Variants in APP observed in about 807,000 individuals in gnomAD.
APP encodes amyloid beta precursor protein.
In APP, 31 loss-of-function variants were observed where a neutral mutation model predicts 101.4. The observed-to-expected ratio is 0.31, with a 90% CI of 0.23 to 0.41. The LOEUF (loss-of-function observed/expected upper bound fraction) is 0.41, where lower values mean the gene tolerates loss of function less well. Among genes scored for constraint, APP ranks in the 10% least tolerant of loss-of-function variants. The pLI is 1.00. For missense variants in APP, 839 were observed against 1,003.7 expected (o/e 0.84, Z 2.22); for synonymous variants, 366 against 364.4 (o/e 1.00, Z -0.05).
intron 5 of APP, among the ~76,000 whole-genome samples, chr21:26,028,898 A>G (rs1445318739): frequency 6.6e-6 from 1 of 152,174 alleles, no homozygotes. Context: ...ATGAATGACT[A>G]TGATAGATGT....
rs765151011 is a variant in APP at position 26,021,880 on chromosome 21, G to T, written c.825C>A (p.Thr275=). ...ATERTTSIAT[T]TTTTTESVEE... is the part of the protein sequence containing the mutation. ...CCACAGACTCTGTGGTGGTGGTGGT[G>T]GTGGTGGCAATGCTGGTGGTTCTCT... Residue 275 remains threonine (T), a synonymous_variant, in exon 6 of 18, where the codon ACC becomes ACA. Transcript: ENST00000346798. 3 of 1,613,800 alleles carry T rather than the reference G, an allele frequency of 1.9e-6. No individual in the cohort carries two copies. The highest frequency in any genetic ancestry group is 2.5e-6 in the Non-Finnish European group (3 of 1,179,932).
chr21:25,961,896 T>C (rs1049363662), intron 11 of APP, among the ~76,000 whole-genome samples: 13 of 150,188 alleles, frequency 8.7e-5, no homozygotes, highest in African/African-American at 3.3e-4. Context: ...AAAGAGAGTT[T>C]AAGAAACATT....
chr21:25,947,578 T>G (rs2040877419), intron 13 of APP, among the ~76,000 whole-genome samples: 1 of 152,226 alleles, frequency 6.6e-6, no homozygotes, highest in Non-Finnish European at 1.5e-5. Flanking sequence ...AGATATACAT[T>G]TAGACACAGG....
At chr21:25,969,923 A>AGGGAGGGGAGGGGAGGGG (rs2041960235) in intron 11 of APP, among the ~76,000 whole-genome samples, 1 of 6,744 alleles carries the variant, frequency 1.5e-4, no homozygotes. Context: ...GGGGAAGAGA[A>AGGGAGGGGAGGGGAGGGG]AAGGAAAGGA....
chr21:26,057,242 G>GT (rs1189596187), intron 3 of APP, among the ~76,000 whole-genome samples: 1 of 152,010 alleles, frequency 6.6e-6, no homozygotes, highest in East Asian at 1.9e-4. Context: ...GATCTTTCAG[G>GT]TAAAAAGAGT....
At chr21:26,125,759 A>T (rs1043030633) in intron 1 of APP, among the ~76,000 whole-genome samples, 1 of 152,226 alleles carries the variant, frequency 6.6e-6, no homozygotes, top group African/African-American at 2.4e-5. Flanking sequence ...CCCACATCAC[A>T]TCAGGAGTTC....
At chr21:26,119,513 A>T (rs1436027611) in intron 1 of APP, among the ~76,000 whole-genome samples, 1 of 152,230 alleles carries the variant, frequency 6.6e-6, no homozygotes, top group East Asian at 1.9e-4. Flanking sequence ...TGCAAAGTAG[A>T]AGTCCAAATC....
rs184418252 is a variant in APP at position 26,149,404 on chromosome 21, T to A, written c.57+21160A>T. 2.0e-5 allele frequency among the ~76,000 whole-genome samples: 3 copies of A among 152,334 alleles called. No homozygotes were observed. The East Asian group carries it at 5.8e-4, about 29-fold the overall frequency. On this transcript the variant is annotated intron_variant, in intron 1 of 17. Transcript: ENST00000346798. ...GGCCTGGTTCATAGAATGAGCTACA[T>A]ACAGTACCTGGTAATTAGTATTACT...
intron 1 of APP, among the ~76,000 whole-genome samples, chr21:26,144,372 C>A (rs1381369924): frequency 6.6e-6 from 1 of 152,158 alleles, no homozygotes; most frequent in Non-Finnish European, 1.5e-5. Flanking sequence ...ATGCAGAATA[C>A]CAAGTTAGTA....
At chr21:26,160,324 C>T (rs1370994839) in intron 1 of APP, among the ~76,000 whole-genome samples, 2 of 152,192 alleles carry the variant, frequency 1.3e-5, no homozygotes, top group Non-Finnish European at 2.9e-5. Context: ...TAGCCAAGAA[C>T]GCCCCTCCAC....
intron 3 of APP, among the ~76,000 whole-genome samples, chr21:26,083,701 A>G (rs1159650274): frequency 6.6e-6 from 1 of 152,230 alleles, no homozygotes; most frequent in African/African-American, 2.4e-5. Context: ...TATCATGCCA[A>G]ATAAGCTGGG....
chr21:25,945,199 G>A (rs1193783372), intron 13 of APP, among the ~76,000 whole-genome samples: 1 of 152,112 alleles, frequency 6.6e-6, no homozygotes, highest in Non-Finnish European at 1.5e-5. Flanking sequence ...AGTAAAAGAT[G>A]ATAGCATGCT....
intron 11 of APP, among the ~76,000 whole-genome samples, chr21:25,964,183 T>G (rs2146526234): frequency 1.3e-5 from 2 of 152,318 alleles, no homozygotes; most frequent in African/African-American, 4.8e-5. Flanking sequence ...GATTTTGTAC[T>G]GAACATGACG....
At chr21:25,934,153 T>C (rs45602636) in intron 13 of APP, 6,382 of 152,138 alleles carry the variant, frequency 0.042, 433 homozygotes, top group African/African-American at 0.15. Context: ...ACCAAAGGAA[T>C]ATCAAGGGCT....
chr21:26,131,604 G>A (rs1322979233), intron 1 of APP, among the ~76,000 whole-genome samples: 1 of 152,166 alleles, frequency 6.6e-6, no homozygotes, highest in Non-Finnish European at 1.5e-5. Flanking sequence ...ATAGCCAAAT[G>A]ACCAATACGG....
intron 1 of APP, among the ~76,000 whole-genome samples, chr21:26,163,079 A>AAG (rs1288141403): frequency 6.7e-6 from 1 of 148,548 alleles, no homozygotes; most frequent in Non-Finnish European, 1.5e-5. Flanking sequence ...AAAAAAAAAA[A>AAG]CAAAAACAAA....
At chr21:26,123,078 T>C (rs972137164) in intron 1 of APP, among the ~76,000 whole-genome samples, 3 of 152,368 alleles carry the variant, frequency 2.0e-5, no homozygotes, top group Non-Finnish European at 2.9e-5. Flanking sequence ...CAGAGATTTA[T>C]GATCTTAGAC....
chr21:25,941,056 C>T (rs2040555630), intron 13 of APP, among the ~76,000 whole-genome samples: 1 of 152,166 alleles, frequency 6.6e-6, no homozygotes, highest in Admixed American at 6.5e-5. Context: ...TTTCAGGACA[C>T]ACAAATGCAC....
At chr21:26,024,500 C>T (rs1255418251) in intron 5 of APP, among the ~76,000 whole-genome samples, 5 of 152,076 alleles carry the variant, frequency 3.3e-5, no homozygotes, top group Admixed American at 3.3e-4. Flanking sequence ...GTGAGACAAG[C>T]GAACACTATG....
Sources: gnomAD v4.1 joint callset for allele counts (sites outside exome capture counted in the v4.1 genomes callset) on GRCh38, gnomAD v4.1.1 for gene constraint, MANE v1.5 for transcripts, NCBI Gene and HGNC (gene_info 2026-07-23, HGNC 2026-07-21) for gene names.